Variants in CEACAM21 observed in about 807,000 individuals in gnomAD.
CEACAM21 encodes the protein cell adhesion molecule CEACAM21.
Under a neutral mutation model 33.2 loss-of-function variants are expected in CEACAM21, and 38 were observed. The observed-to-expected ratio is 1.14, with a 90% CI of 0.88 to 1.50. CEACAM21 has a LOEUF of 1.50. Among genes scored for constraint, CEACAM21 ranks in the 40% most tolerant of loss-of-function variants. The pLI is 0.00. For synonymous variants in CEACAM21, 156 were observed against 143.0 expected, an observed-to-expected ratio of 1.09 and a Z score of -0.65; for missense variants, 385 against 364.6, an observed-to-expected ratio of 1.06 and a Z score of -0.46.
chr19:41,554,469 A>G (rs2041419653), intron 1 of CEACAM21, among the ~76,000 whole-genome samples: 2 of 152,070 alleles, frequency 1.3e-5, no homozygotes, highest in African/African-American at 2.4e-5. Flanking sequence ...ATATAGCAGA[A>G]TTATAGGAGT....
At chr19:41,572,999 C>T (rs377454965), upstream of CEACAM21, among the ~76,000 whole-genome samples, 2 of 152,242 alleles carry the variant, frequency 1.3e-5, no homozygotes, top group East Asian at 1.9e-4. Flanking sequence ...AGACCCCAAC[C>T]CTGGGAGGAG....
At chr19:41,574,434 A>G (rs1346131162), upstream of CEACAM21, among the ~76,000 whole-genome samples, 1 of 152,232 alleles carries the variant, frequency 6.6e-6, no homozygotes, top group African/African-American at 2.4e-5. Context: ...AATTTTGCAA[A>G]TCATGTACCC....
upstream of CEACAM21, among the ~76,000 whole-genome samples, chr19:41,573,805 G>GTC (rs1168589913): frequency 3.9e-4 from 60 of 152,122 alleles, no homozygotes; most frequent in African/African-American, 1.4e-3. Flanking sequence ...TCCTAAAAAG[G>GTC]TCTCCAGACT....
rs951092804 is a variant in CEACAM21 at position 41,576,176 on chromosome 19, G to A, written c.-99G>A. On this transcript the variant is annotated 5_prime_UTR_variant, in exon 1 of 7. Coordinates refer to ENST00000401445, the MANE Select transcript of CEACAM21 (RefSeq NM_001098506.4). The stretch of plus-strand genomic sequence containing the variant: ...GAGAGGAAGCTCAGCATAGAGGAAG[G>A]AAGGACAGCAGAGACAACAGTCACA... 70 of 1,412,358 alleles carry A rather than the reference G, an allele frequency of 5.0e-5. No homozygotes were observed. The African/African-American group carries it at 8.9e-4, about 18-fold the overall frequency. 87.5% of individuals were successfully genotyped at this position (1,412,358 alleles called of 1,614,324 possible). A position where few individuals can be genotyped will look rare whatever the true frequency, so the allele number is the denominator to read the frequency against.
upstream of CEACAM21, among the ~76,000 whole-genome samples, chr19:41,573,938 T>A (rs781835449): frequency 1.3e-5 from 2 of 152,188 alleles, no homozygotes; most frequent in African/African-American, 2.4e-5. Flanking sequence ...ACTTCCTAAT[T>A]TGAAAACTTA....
chr19:41,571,750 G>A (rs1356818506), upstream of CEACAM21, among the ~76,000 whole-genome samples: 1 of 152,226 alleles, frequency 6.6e-6, no homozygotes, highest in Non-Finnish European at 1.5e-5. Flanking sequence ...TGGGAGCTGG[G>A]AGCTGACAGT....
chr19:41,567,282 C>A (rs2042325874), intron 2 of CEACAM21, among the ~76,000 whole-genome samples: 3 of 152,108 alleles, frequency 2.0e-5, no homozygotes, highest in South Asian at 2.1e-4. Flanking sequence ...ATTAAACAGA[C>A]CCTGTTAAAC....
chr19:41,557,236 A>T (rs1471661603), intron 1 of CEACAM21, among the ~76,000 whole-genome samples: 2 of 152,180 alleles, frequency 1.3e-5, no homozygotes, highest in African/African-American at 4.8e-5. Flanking sequence ...ACAGCTAAGG[A>T]TGGAGTTTGT....
At chr19:41,566,897 C>T (rs1277005286) in intron 2 of CEACAM21, among the ~76,000 whole-genome samples, 18 of 152,084 alleles carry the variant, frequency 1.2e-4, no homozygotes, top group South Asian at 2.1e-4. Context: ...TTACATTTAT[C>T]GAGATAGTTG....
intron 2 of CEACAM21, 57 bp from the exon 3 acceptor site, chr19:41,579,296 A>G (rs782769432): frequency 1.2e-6 from 2 of 1,613,198 alleles, no homozygotes; most frequent in Non-Finnish European, 1.7e-6. Flanking sequence ...TGACTCTGAG[A>G]TCTCTGAGGA....
intron 1 of CEACAM21, among the ~76,000 whole-genome samples, chr19:41,561,366 A>G (rs2041871480): frequency 6.6e-6 from 1 of 151,100 alleles, no homozygotes; most frequent in African/African-American, 2.4e-5. Context: ...CAAGGCCTCT[A>G]TGTAGAAAAA....
chr19:41,567,020 T>A (rs1471014130), intron 2 of CEACAM21, among the ~76,000 whole-genome samples: 1 of 152,148 alleles, frequency 6.6e-6, no homozygotes, highest in Non-Finnish European at 1.5e-5. Flanking sequence ...TTTTTTTGAT[T>A]AATCAATTTA....
chr19:41,576,598 A>T (rs1331249713), intron 1 of CEACAM21, among the ~76,000 whole-genome samples: 1 of 152,244 alleles, frequency 6.6e-6, no homozygotes, highest in Non-Finnish European at 1.5e-5. Flanking sequence ...TATCACAGTG[A>T]CAATTTAAAT....
chr19:41,586,206 G>A (rs1568625846), intron 6 of CEACAM21: 1 of 560,808 alleles, frequency 1.8e-6, no homozygotes, highest in Non-Finnish European at 3.2e-6. Context: ...GTGAGTGGGG[G>A]CCACAGATAT....
Position 41,576,169 on chromosome 19 carries a change from G to GAGGA in CEACAM21, c.-97_-94dup. 1 of 1,354,966 alleles carries GAGGA rather than the reference G, an allele frequency of 7.4e-7. No individual in the cohort carries two copies. Among genetic ancestry groups the GAGGA allele is most frequent in the South Asian group, 1.2e-5 (1 of 82,816 alleles). The allele number at this position is 1,354,966 out of a possible 1,614,324, so 83.9% of individuals were successfully genotyped here. A position where few individuals can be genotyped will look rare whatever the true frequency, so the allele number is the denominator to read the frequency against. On this transcript the variant is annotated 5_prime_UTR_variant, in exon 1 of 7. Coordinates refer to ENST00000401445, the MANE Select transcript of CEACAM21 (RefSeq NM_001098506.4). The stretch of plus-strand genomic sequence containing the variant: ...CCTGCCTGAGAGGAAGCTCAGCATA[G>GAGGA]AGGAAGGAAGGACAGCAGAGACAAC...
intron 2 of CEACAM21, among the ~76,000 whole-genome samples, chr19:41,567,514 A>C (rs1329191508): frequency 2.6e-5 from 4 of 152,220 alleles, no homozygotes; most frequent in African/African-American, 9.7e-5. Flanking sequence ...CAATTTAGCA[A>C]TTTTGCTACT....
chr19:41,572,859 T>G (rs947343830), upstream of CEACAM21, among the ~76,000 whole-genome samples: 1 of 152,142 alleles, frequency 6.6e-6, no homozygotes, highest in African/African-American at 2.4e-5. Flanking sequence ...CATGGGGTGG[T>G]TGTCACTGAC....
chr19:41,563,155 G>A (rs980077284), intron 1 of CEACAM21, among the ~76,000 whole-genome samples: 3 of 152,206 alleles, frequency 2.0e-5, no homozygotes, highest in Non-Finnish European at 2.9e-5. Flanking sequence ...TACTGAGAGT[G>A]GGGTGGGGAA....
chr19:41,576,782 G>A (rs569837664), intron 1 of CEACAM21, among the ~76,000 whole-genome samples: 2 of 152,234 alleles, frequency 1.3e-5, no homozygotes, highest in East Asian at 3.9e-4. Context: ...TGCCCTCACA[G>A]AGCTCACAAT....
Sources: gnomAD v4.1 joint callset for allele counts (sites outside exome capture counted in the v4.1 genomes callset) on GRCh38, gnomAD v4.1.1 for gene constraint, MANE v1.5 for transcripts, NCBI Gene and HGNC (gene_info 2026-07-23, HGNC 2026-07-21) for gene names.